Variants in NOSTRIN observed in about 807,000 individuals in gnomAD.
The protein encoded by NOSTRIN is nitric oxide synthase trafficking.
Under a neutral mutation model 59.0 loss-of-function variants are expected in NOSTRIN, and 63 were observed. The observed-to-expected ratio is 1.07, with a 90% CI of 0.87 to 1.32. The LOEUF is 1.32. NOSTRIN is among the 40% of genes most tolerant of loss of function. The pLI, the probability that NOSTRIN is intolerant of heterozygous loss-of-function variation, is 0.00. For missense variants in NOSTRIN, 512 were observed against 473.1 expected (o/e 1.08, Z -0.76); for synonymous variants, 200 against 165.4 (o/e 1.21, Z -1.61).
intron 2 of NOSTRIN, among the ~76,000 whole-genome samples, chr2:168,815,412 T>G (rs1428409133): frequency 6.6e-6 from 1 of 152,226 alleles, no homozygotes; most frequent in Non-Finnish European, 1.5e-5. Context: ...AGAAACACTT[T>G]GTGAATGTTT....
upstream of NOSTRIN, among the ~76,000 whole-genome samples, chr2:168,797,850 T>C (rs1342983717): frequency 6.6e-6 from 1 of 151,972 alleles, no homozygotes; most frequent in Non-Finnish European, 1.5e-5. Context: ...ATTATAAGGA[T>C]CAAAATAATA....
At chr2:168,824,818 C>T (rs1686968299) in intron 3 of NOSTRIN, 101 bp downstream of exon 3, 2 of 669,246 alleles carry the variant, frequency 3.0e-6, no homozygotes, top group South Asian at 1.7e-5. Context: ...GCTCTGTTAC[C>T]TGGGTTAGAG....
upstream of NOSTRIN, among the ~76,000 whole-genome samples, chr2:168,797,312 G>A (rs1685510402): frequency 6.6e-6 from 1 of 151,850 alleles, no homozygotes; most frequent in African/African-American, 2.4e-5. Context: ...GCCCAGGCTG[G>A]TCTTGAACTC....
intron 11 of NOSTRIN, chr2:168,856,301 G>C (rs1290892922): frequency 8.3e-6 from 2 of 240,524 alleles, no homozygotes; most frequent in South Asian, 5.3e-5. Context: ...TGGTGGCTGG[G>C]TGCTGTGGCT....
In NOSTRIN at chr2:168,828,416, C is replaced by A. The variant is rs1452109256; in HGVS notation, c.261-4C>A. 1 of 869,452 alleles carries A rather than the reference C, an allele frequency of 1.2e-6. No individual in the cohort carries two copies. The highest frequency in any genetic ancestry group is 2.0e-6 in the Non-Finnish European group (1 of 500,864). The allele number at this position is 869,452 out of a possible 1,614,324, so 53.9% of individuals were successfully genotyped here. On this transcript the variant is annotated splice_region_variant and splice_polypyrimidine_tract_variant and intron_variant, in intron 4 of 15. Transcript: ENST00000317647. Reference sequence around the variant, plus strand: ...CTTATGTGTCTTTTATGTTTTATTTCCAGAAAACTTGGCAAAGCAATTGAA... The same window carrying A: ...CTTATGTGTCTTTTATGTTTTATTTACAGAAAACTTGGCAAAGCAATTGAA...
chr2:168,806,913 A>C (rs1685878480), intron 1 of NOSTRIN, among the ~76,000 whole-genome samples: 1 of 152,172 alleles, frequency 6.6e-6, no homozygotes, highest in Non-Finnish European at 1.5e-5. Flanking sequence ...ATTGCACATA[A>C]CACTTAAAGG....
Position 168,819,936 on chromosome 2 carries a change from C to T in NOSTRIN, c.114-4698C>T, listed in dbSNP as rs985564475. 4.6e-5 allele frequency among the ~76,000 whole-genome samples: 7 copies of T among 152,278 alleles called. No homozygotes were observed. In the East Asian group the frequency reaches 1.4e-3, roughly 29 times the overall value. ...CTATCCCCCAAATGCCTTGCAACTG[C>T]ACAGATGCCTTTGGAACAGGCCTGG... On this transcript the variant is annotated intron_variant, in intron 2 of 15. Transcript: ENST00000317647.
At chr2:168,846,570 T>C (rs913589860) in intron 8 of NOSTRIN, among the ~76,000 whole-genome samples, 1 of 152,198 alleles carries the variant, frequency 6.6e-6, no homozygotes, top group African/African-American at 2.4e-5. Flanking sequence ...TTCACAATCA[T>C]ACTGTATTCT....
chr2:168,864,760 T>TAAAACTCTTATCAATCGGGCTGAG, intron 15 of NOSTRIN, 74 bp from the exon 16 acceptor site: 1 of 1,561,220 alleles, frequency 6.4e-7, no homozygotes, highest in Non-Finnish European at 8.7e-7. Context: ...AGAACCTCCT[T>TAAAACTCTTATCAATCGGGCTGAG]AAAACTCTTA....
intron 15 of NOSTRIN, 83 bp from the exon 16 acceptor site, chr2:168,864,751 G>A: frequency 6.6e-7 from 1 of 1,509,504 alleles, no homozygotes; most frequent in Non-Finnish European, 9.0e-7. Context: ...CCTTGAAGCA[G>A]AACCTCCTTA....
chr2:168,807,790 A>C (rs949288363), intron 1 of NOSTRIN, among the ~76,000 whole-genome samples: 6 of 152,064 alleles, frequency 3.9e-5, no homozygotes, highest in African/African-American at 1.2e-4. Flanking sequence ...CATTTACCAC[A>C]CTCTACCAGT....
chr2:168,793,643 C>G (rs1262012817), upstream of NOSTRIN, among the ~76,000 whole-genome samples: 2 of 151,996 alleles, frequency 1.3e-5, no homozygotes, highest in East Asian at 3.9e-4. Flanking sequence ...CTAAATATCA[C>G]AAATATGCGT....
chr2:168,844,875 G>GA (rs79074527), intron 8 of NOSTRIN, among the ~76,000 whole-genome samples: 82,420 of 142,458 alleles, frequency 0.58, 23,526 homozygotes, highest in South Asian at 0.7. Context: ...GTCTCAAAAA[G>GA]AAAAAAAAAA....
chr2:168,834,514 C>CAAACACACAA (rs755428776), intron 7 of NOSTRIN, among the ~76,000 whole-genome samples, 189 bp downstream of exon 7: 1 of 141,086 alleles, frequency 7.1e-6, no homozygotes, highest in Non-Finnish European at 1.5e-5. Context: ...CGCGCACACA[C>CAAACACACAA]ACACACACAC....
chr2:168,804,115 T>TA lies in NOSTRIN; in HGVS notation c.27+1448dup, dbSNP rs1399692865. 3.3e-5 allele frequency among the ~76,000 whole-genome samples: 5 copies of TA among 152,234 alleles called. No individual in the cohort carries two copies. In the East Asian group the frequency reaches 9.7e-4, roughly 29 times the overall value. ...AAAAAGAGAAGAAGAAATAAATCCA[T>TA]AAAAAAGAAACTGAAGGTCTAACAT... On this transcript the variant is annotated intron_variant, in intron 1 of 15. Coordinates refer to ENST00000317647, the MANE Select transcript of NOSTRIN (RefSeq NM_001039724.4).
At chr2:168,841,235 C>CAAAAAAAAAAAAAAAAAAAAAAAAAAAA (rs57480764) in intron 7 of NOSTRIN, among the ~76,000 whole-genome samples, 1 of 106,588 alleles carries the variant, frequency 9.4e-6, no homozygotes, top group Admixed American at 1.0e-4. Flanking sequence ...ACCCTGTCTC[C>CAAAAAAAAAAAAAAAAAAAAAAAAAAAA]AAAAAAAAAA....
rs1364842460 is a variant in NOSTRIN at position 168,865,004 on chromosome 2, G to T, written c.*34G>T. 8 of 1,609,444 alleles carry T rather than the reference G, an allele frequency of 5.0e-6. No homozygotes were observed. The East Asian group carries it at 1.8e-4, about 36-fold the overall frequency. ...TCTGAACATACTACCTTCACACTCG[G>T]TAATCAACAATACAGTGTGGTTCAA... On this transcript the variant is annotated 3_prime_UTR_variant, in exon 16 of 16. Transcript: ENST00000317647.
intron 15 of NOSTRIN, among the ~76,000 whole-genome samples, chr2:168,863,027 AAGAC>A (rs10569466): frequency 0.87 from 132,788 of 151,846 alleles, 58,264 homozygotes; most frequent in African/African-American, 0.96. Context: ...ATGTGAATAA[AAGAC>A]AGACATACTT....
intron 8 of NOSTRIN, among the ~76,000 whole-genome samples, chr2:168,848,420 G>A (rs1210820009): frequency 2.6e-5 from 4 of 152,338 alleles, no homozygotes; most frequent in African/African-American, 7.2e-5. Context: ...CCATGGGGGC[G>A]TGGCTCCAGG....
Sources: allele counts gnomAD v4.1 joint callset (sites outside exome capture counted in the v4.1 genomes callset), GRCh38; gene constraint gnomAD v4.1.1; transcripts MANE v1.5; gene names NCBI Gene and HGNC (gene_info 2026-07-23, HGNC 2026-07-21).